AXIN2: variants seen among roughly 807,000 people sequenced by gnomAD.
AXIN2 encodes the protein axin-2.
In AXIN2, 21 loss-of-function variants were observed where a neutral mutation model predicts 74.7. That is an observed-to-expected ratio of 0.28 (90% CI 0.20 to 0.40). The LOEUF (loss-of-function observed/expected upper bound fraction) is 0.40. Ranked by LOEUF, AXIN2 falls within the 10% of genes least tolerant of loss-of-function variation. The pLI is 1.00. For synonymous variants in AXIN2, 532 were observed against 454.9 expected (o/e 1.17, Z -2.16); for missense variants, 1,144 against 1,111.1 (o/e 1.03, Z -0.42).
intron 3 of AXIN2, among the ~76,000 whole-genome samples, chr17:65,547,151 TAAAAG>T (rs899485767): frequency 3.9e-5 from 6 of 152,100 alleles, no homozygotes; most frequent in African/African-American, 1.4e-4. Flanking sequence ...GGGAAGGGGA[TAAAAG>T]AAGAGGAAGT....
At chr17:65,536,640 T>C in intron 7 of AXIN2, 87 bp from the exon 8 acceptor site, 2 of 1,503,984 alleles carry the variant, frequency 1.3e-6, no homozygotes, top group Non-Finnish European at 1.8e-6. Flanking sequence ...GAAACTTGTC[T>C]ATTCTGCTCA....
Position 65,537,578 on chromosome 17 carries a change from C to T in AXIN2, c.1458G>A (p.Lys486=), listed in dbSNP as rs2144462320. The T allele has an allele frequency of 6.2e-7, 1 of 1,609,290 alleles. No individual in the cohort carries two copies. Among genetic ancestry groups the T allele is most frequent in the South Asian group, 1.1e-5 (1 of 90,912 alleles). The part of the protein sequence containing the change: ...QYHSLLPPGG[K]LPPAAASPGA... ...CCGGCGAGGCGGCCGCGGGAGGCAGCTTGCCACCGGGCGGGAGCAGGGAGT... is the reference window on the plus strand; with the variant it reads ...CCGGCGAGGCGGCCGCGGGAGGCAGTTTGCCACCGGGCGGGAGCAGGGAGT... The change falls in exon 6 of 11, where the codon AAG becomes AAA. Residue 486 remains lysine, a synonymous_variant. Coordinates refer to ENST00000307078, the MANE Select transcript of AXIN2 (RefSeq NM_004655.4).
intron 3 of AXIN2, among the ~76,000 whole-genome samples, chr17:65,548,538 A>C (rs996748928): frequency 2.0e-5 from 3 of 152,222 alleles, no homozygotes; most frequent in Non-Finnish European, 2.9e-5. Context: ...AACATTGAAA[A>C]GCTTTCAAGA....
At chr17:65,550,655 G>A (rs1598111503) in intron 2 of AXIN2, among the ~76,000 whole-genome samples, 1 of 152,322 alleles carries the variant, frequency 6.6e-6, no homozygotes, top group African/African-American at 2.4e-5. Context: ...GAAATCAAGT[G>A]AGGGAGAAAA....
intron 2 of AXIN2, among the ~76,000 whole-genome samples, chr17:65,553,836 A>T (rs1338059870): frequency 8.3e-6 from 1 of 120,438 alleles, no homozygotes; most frequent in Non-Finnish European, 1.8e-5. Context: ...GTGATTACTT[A>T]AAAAAAAAGG....
chr17:65,540,355 A>G (rs1039707875), intron 4 of AXIN2, among the ~76,000 whole-genome samples: 1 of 152,192 alleles, frequency 6.6e-6, no homozygotes, highest in Non-Finnish European at 1.5e-5. Context: ...GGTTAACAGA[A>G]TAGATAAAAC....
intron 2 of AXIN2, among the ~76,000 whole-genome samples, chr17:65,550,916 G>A (rs994165297): frequency 2.0e-5 from 3 of 152,160 alleles, no homozygotes; most frequent in African/African-American, 7.2e-5. Context: ...AGGCTCACGA[G>A]GAGGGGAGAA....
chr17:65,551,053 C>G (rs866761557), intron 2 of AXIN2, among the ~76,000 whole-genome samples: 35 of 152,308 alleles, frequency 2.3e-4, no homozygotes, highest in African/African-American at 7.0e-4. Flanking sequence ...ATCAAACTGC[C>G]TCCCAATACA....
At chr17:65,538,059 G>A (rs550683811) in intron 5 of AXIN2, 144 bp downstream of exon 5, 40 of 1,468,150 alleles carry the variant, frequency 2.7e-5, no homozygotes, top group Non-Finnish European at 3.2e-5. Context: ...CCCACGCCCA[G>A]GCACACACCC....
At chr17:65,561,001 G>A (rs1163485839) in intron 1 of AXIN2, 2 of 148,986 alleles carry the variant, frequency 1.3e-5, no homozygotes, top group African/African-American at 4.9e-5. Flanking sequence ...CAACAATCCC[G>A]GGTTCAGAGC....
intron 8 of AXIN2, among the ~76,000 whole-genome samples, 199 bp from the exon 9 acceptor site, chr17:65,535,920 C>A (rs1018574387): frequency 6.6e-6 from 1 of 152,188 alleles, no homozygotes; most frequent in Non-Finnish European, 1.5e-5. Context: ...ATTCTAAGCC[C>A]CCCTGGGAGC....
chr17:65,538,151 ACGAGCGCTC>A (rs774207836), intron 5 of AXIN2, 43 bp downstream of exon 5: 2 of 1,613,510 alleles, frequency 1.2e-6, no homozygotes, highest in Non-Finnish European at 1.7e-6. Context: ...GCATACACAT[ACGAGCGCTC>A]ACGCCGTGGA....
rs1598093895 is a variant in AXIN2, at chr17:65,533,971, C to A, written c.2346G>T (p.Lys782Asn). 6.2e-7 allele frequency: 1 copy of A among 1,614,208 alleles called. No individual in the cohort carries two copies. Among genetic ancestry groups the A allele is most frequent in the Non-Finnish European group, 8.5e-7 (1 of 1,180,034 alleles). Reference protein sequence around the residue: ...GEEIPYRRMLKAQSLTLGHFK... With the variant: ...GEEIPYRRMLNAQSLTLGHFK... The stretch of plus-strand genomic sequence containing the variant: ...AGTGGCCCAGGGTCAAGCTCTGAGC[C>A]TTCAGCATCCTCCGGTATGGAATTT... Residue 782 changes from lysine (K) to asparagine (N), a missense_variant, in exon 10 of 11, where the codon AAG becomes AAT. Around this residue, in one of 4 missense-constraint regions of AXIN2, gnomAD observed 65 missense variants for 95.7 expected, o/e 0.68. Coordinates refer to ENST00000307078, the MANE Select transcript of AXIN2 (RefSeq NM_004655.4).
intron 2 of AXIN2, among the ~76,000 whole-genome samples, chr17:65,552,095 T>C (rs1364390394): frequency 6.6e-6 from 1 of 152,088 alleles, no homozygotes; most frequent in African/African-American, 2.4e-5. Context: ...TTCCTCCTGG[T>C]CCATGTGTCC....
chr17:65,531,333 T>G (rs999546632), intron 10 of AXIN2, among the ~76,000 whole-genome samples: 1 of 152,122 alleles, frequency 6.6e-6, no homozygotes, highest in Non-Finnish European at 1.5e-5. Context: ...GTTTTTAGCA[T>G]TCCTGACCCA....
chr17:65,554,003 CA>C (rs1184031320), intron 2 of AXIN2, among the ~76,000 whole-genome samples: 1 of 152,214 alleles, frequency 6.6e-6, no homozygotes, highest in African/African-American at 2.4e-5. Flanking sequence ...CTCACATCCA[CA>C]GACCTGGTTT....
intron 3 of AXIN2, among the ~76,000 whole-genome samples, chr17:65,545,610 C>G (rs998854873): frequency 6.6e-6 from 1 of 152,036 alleles, no homozygotes; most frequent in Non-Finnish European, 1.5e-5. Flanking sequence ...GAGCCAAGAT[C>G]GCGCCACTGC....
At chr17:65,536,211 G>C (rs2043911126) in intron 8 of AXIN2, 109 bp downstream of exon 8, 1 of 1,109,158 alleles carries the variant, frequency 9.0e-7, no homozygotes, top group African/African-American at 1.6e-5. Context: ...CTTCTCATGG[G>C]AGGGTTTGAG....
At position 65,536,850 on chromosome 17, in the gene AXIN2, G is replaced by A. The variant is rs1342923050; in HGVS notation, c.1907+19C>T. 4 of 1,612,482 alleles carry A rather than the reference G, an allele frequency of 2.5e-6. No homozygotes were observed. The South Asian group carries it at 3.3e-5, about 13-fold the overall frequency. On this transcript the variant is annotated intron_variant, in intron 7 of 10. Transcript: ENST00000307078. ...TGCCCATGACCCTCGCGGCCGCGGC[G>A]GCGGCAAGCGGTGTTTACCTATGGG...
Sources: gnomAD v4.1 joint callset for allele counts (sites outside exome capture counted in the v4.1 genomes callset) on GRCh38, gnomAD v4.1.1 for gene constraint, gnomAD v4.1.1 regional missense constraint, MANE v1.5 for transcripts, NCBI Gene and HGNC (gene_info 2026-07-23, HGNC 2026-07-21) for gene names.